RBM33: variants seen among roughly 807,000 people sequenced by gnomAD.
RBM33 encodes the protein RNA binding motif protein 33.
In RBM33, 28 loss-of-function variants were observed where a neutral mutation model predicts 132.6. The ratio of observed to expected loss-of-function variants is 0.21; its 90% CI spans 0.16 to 0.29. RBM33 has a LOEUF of 0.29. RBM33 is among the 10% of genes least tolerant of loss of function. The probability of loss-of-function intolerance (pLI) is 1.00; values close to 1 mark genes in which losing one functional copy is unlikely to be tolerated. For synonymous variants in RBM33, 634 were observed against 593.0 expected, an observed-to-expected ratio of 1.07 and a Z score of -1.01; for missense variants, 1,291 against 1,518.5, an observed-to-expected ratio of 0.85 and a Z score of 2.49.
intron 14 of RBM33, among the ~76,000 whole-genome samples, chr7:155,755,096 C>T (rs2117052747): frequency 6.6e-6 from 1 of 152,322 alleles, no homozygotes; most frequent in South Asian, 2.1e-4. Context: ...GTACAGCATG[C>T]ATATCATTTA....
At chr7:155,669,553 G>T (rs537121014) in intron 2 of RBM33, among the ~76,000 whole-genome samples, 1 of 152,058 alleles carries the variant, frequency 6.6e-6, no homozygotes, top group Non-Finnish European at 1.5e-5. Context: ...GGGTTTCGCC[G>T]TGTTGGCCAG....
intron 14 of RBM33, among the ~76,000 whole-genome samples, chr7:155,761,535 G>A (rs961483499): frequency 4.6e-5 from 7 of 152,120 alleles, no homozygotes; most frequent in African/African-American, 1.4e-4. Context: ...CTTGTGTCTC[G>A]TTGAATTTGC....
chr7:155,743,959 G>A (rs958706803), intron 13 of RBM33, among the ~76,000 whole-genome samples: 1 of 152,032 alleles, frequency 6.6e-6, no homozygotes, highest in Admixed American at 6.5e-5. Context: ...CTTCATTTTT[G>A]CAGTTTGAAA....
chr7:155,665,349 A>T (rs1296482464), intron 2 of RBM33, 96 bp downstream of exon 2: 2 of 1,058,936 alleles, frequency 1.9e-6, no homozygotes, highest in African/African-American at 3.1e-5. Flanking sequence ...CAGCACCTTG[A>T]CTACCTGGCG....
chr7:155,655,361 T>A (rs962673384), intron 1 of RBM33, among the ~76,000 whole-genome samples: 2 of 152,140 alleles, frequency 1.3e-5, no homozygotes, highest in African/African-American at 2.4e-5. Context: ...GGGCATTTGG[T>A]TTATTTCTAC....
chr7:155,672,504 C>A (rs1445609862), intron 2 of RBM33, among the ~76,000 whole-genome samples: 1 of 152,140 alleles, frequency 6.6e-6, no homozygotes, highest in African/African-American at 2.4e-5. Flanking sequence ...TGCCTGTAAT[C>A]CCAACACTTT....
At chr7:155,730,183 A>C (rs1017968950) in intron 9 of RBM33, among the ~76,000 whole-genome samples, 1 of 152,234 alleles carries the variant, frequency 6.6e-6, no homozygotes, top group African/African-American at 2.4e-5. Flanking sequence ...CGGACCCGGC[A>C]GTTGAAGGGC....
chr7:155,737,477 T>TA (rs983381366), intron 9 of RBM33, 53 bp from the exon 10 acceptor site: 1 of 1,517,822 alleles, frequency 6.6e-7, no homozygotes, highest in African/African-American at 1.4e-5. Flanking sequence ...AAAAATTACA[T>TA]ACCATTTTTC....
At position 155,672,923 on chromosome 7, in the gene RBM33, G is replaced by A. The variant is rs1454910868; in HGVS notation, c.171+8G>A. On this transcript the variant is annotated splice_region_variant and intron_variant, in intron 3 of 17. Coordinates refer to ENST00000401878, the MANE Select transcript of RBM33 (RefSeq NM_053043.3). ...TTGCTATCTGGCAAAAAGGTAAGAA[G>A]TTTATGTCCTTCTGAGATGAAATAC... 4.6e-6 allele frequency: 7 copies of A among 1,534,512 alleles called. No homozygotes were observed. Among genetic ancestry groups the A allele is most frequent in the Non-Finnish European group, 6.2e-6 (7 of 1,132,640 alleles).
chr7:155,689,154 G>A (rs1256112966), intron 5 of RBM33, among the ~76,000 whole-genome samples: 1 of 152,182 alleles, frequency 6.6e-6, no homozygotes, highest in African/African-American at 2.4e-5. Flanking sequence ...TTCAGAGCCC[G>A]TTATTGGTCT....
chr7:155,704,975 G>C (rs1303078812), intron 6 of RBM33, among the ~76,000 whole-genome samples: 1 of 152,094 alleles, frequency 6.6e-6, no homozygotes, highest in East Asian at 1.9e-4. Flanking sequence ...AAAAAAGTCA[G>C]ACTGTCATTT....
At chr7:155,767,361 C>T (rs563443126) in intron 16 of RBM33, among the ~76,000 whole-genome samples, 6 of 152,348 alleles carry the variant, frequency 3.9e-5, no homozygotes, top group Admixed American at 1.3e-4. Context: ...CCGTGCGTCC[C>T]GTGGTGGGAT....
In RBM33 at chr7:155,777,334, T is replaced by G. The variant is rs975176208; in HGVS notation, c.*2293T>G. ...TCATAGAATGTTCTTGAAAGGTGAT[T>G]GGCAAAGTCATGCAGGCCCGCCTTA... On this transcript the variant is annotated 3_prime_UTR_variant, in exon 18 of 18. Coordinates refer to ENST00000401878, the MANE Select transcript of RBM33 (RefSeq NM_053043.3). 2 of 152,316 alleles carry G rather than the reference T, an allele frequency of 1.3e-5. No homozygotes were observed. Among genetic ancestry groups the G allele is most frequent in the African/African-American group, 4.8e-5 (2 of 41,434 alleles). The allele number at this position is 152,316 out of a possible 1,614,324, so 9.4% of individuals were successfully genotyped here.
At chr7:155,665,036 A>C (rs1389602228) in intron 1 of RBM33, 139 bp from the exon 2 acceptor site, 3 of 607,956 alleles carry the variant, frequency 4.9e-6, no homozygotes, top group Non-Finnish European at 8.6e-6. Context: ...GCTAAAGTAA[A>C]ATGATAGTTA....
chr7:155,720,893 A>G (rs73167151), intron 9 of RBM33, among the ~76,000 whole-genome samples: 9,659 of 152,204 alleles, frequency 0.063, 456 homozygotes, highest in African/African-American at 0.13. Context: ...AAAACTGACT[A>G]CACACACGCA....
chr7:155,683,634 C>T (rs1478530570), intron 5 of RBM33, among the ~76,000 whole-genome samples: 1 of 152,150 alleles, frequency 6.6e-6, no homozygotes, highest in Non-Finnish European at 1.5e-5. Flanking sequence ...GCTCTGCTGT[C>T]CTTTCCTGTG....
chr7:155,647,048 T>C (rs981971082), intron 1 of RBM33, among the ~76,000 whole-genome samples: 1 of 152,260 alleles, frequency 6.6e-6, no homozygotes, highest in Non-Finnish European at 1.5e-5. Flanking sequence ...TAATACCTTA[T>C]TGAGCTATCG....
chr7:155,768,618 TTTTG>T (rs933151795), intron 16 of RBM33, among the ~76,000 whole-genome samples: 2 of 152,230 alleles, frequency 1.3e-5, no homozygotes, highest in African/African-American at 2.4e-5. Context: ...GCATGTTATT[TTTTG>T]TTTTTGTTTT....
At chr7:155,674,490 G>A (rs1799120224) in intron 3 of RBM33, among the ~76,000 whole-genome samples, 1 of 152,192 alleles carries the variant, frequency 6.6e-6, no homozygotes. Context: ...ACTTTGCCAT[G>A]AGGTTGGATT....
Sources: gnomAD v4.1 joint callset for allele counts (sites outside exome capture counted in the v4.1 genomes callset) on GRCh38, gnomAD v4.1.1 for gene constraint, MANE v1.5 for transcripts, NCBI Gene and HGNC (gene_info 2026-07-23, HGNC 2026-07-21) for gene names.